The following NFIB variants were observed in gnomAD, a reference collection of about 807,000 sequenced individuals.
The protein encoded by NFIB is nuclear factor 1 B-type.
Under a neutral mutation model 61.5 loss-of-function variants are expected in NFIB, and 11 were observed. That is an observed-to-expected ratio of 0.18 (90% confidence interval 0.11 to 0.30). The LOEUF is 0.30. NFIB is among the 10% of genes least tolerant of loss of function. NFIB has a pLI of 1.00. For missense variants in NFIB, 471 were observed against 608.9 expected (o/e 0.77, Z 2.38); for synonymous variants, 260 against 216.5 (o/e 1.20, Z -1.76).
chr9:14,193,268 GT>G (rs1294900774), intron 2 of NFIB, among the ~76,000 whole-genome samples: 2 of 151,800 alleles, frequency 1.3e-5, no homozygotes, highest in African/African-American at 4.8e-5. Flanking sequence ...TTTTTAACAA[GT>G]TTTTTCTTGT....
chr9:14,252,739 G>A (rs370631061), intron 2 of NFIB, among the ~76,000 whole-genome samples: 6 of 152,096 alleles, frequency 3.9e-5, no homozygotes, highest in African/African-American at 9.7e-5. Flanking sequence ...GAGAACAGGC[G>A]TCTTAAGATC....
At chr9:14,323,025 A>G (rs2060700210) in intron 1 of NFIB, among the ~76,000 whole-genome samples, 1 of 152,150 alleles carries the variant, frequency 6.6e-6, no homozygotes, top group Non-Finnish European at 1.5e-5. Flanking sequence ...AAGAATAAGG[A>G]ATTGCTGTTA....
At chr9:14,453,681 T>C in the NFIB span, among the ~76,000 whole-genome samples, 3 of 152,216 alleles carry the variant, frequency 2.0e-5, no homozygotes, top group East Asian at 1.9e-4. Flanking sequence ...AAAAATTACA[T>C]GTTAGGGATA....
chr9:14,088,179 G>C lies in NFIB; in HGVS notation c.*130C>G. The C allele has an allele frequency of 6.8e-7, 1 of 1,466,226 alleles. No homozygotes were observed. The highest frequency in any genetic ancestry group is 9.1e-7 in the Non-Finnish European group (1 of 1,098,424). The allele number at this position is 1,466,226 out of a possible 1,614,324, so 90.8% of individuals were successfully genotyped here. A position where few individuals can be genotyped will look rare whatever the true frequency, so the allele number is the denominator to read the frequency against. On this transcript the variant is annotated 3_prime_UTR_variant, in exon 11 of 11. Coordinates refer to ENST00000380953, the MANE Select transcript of NFIB (RefSeq NM_001190737.2). Reference sequence around the variant, plus strand: ...TAAAAAAAAAATTTCTTAAACTATTGTTGTGTTTCTTTTTCCCTCAGTTGC... The same window carrying C: ...TAAAAAAAAAATTTCTTAAACTATTCTTGTGTTTCTTTTTCCCTCAGTTGC...
intron 3 of NFIB, among the ~76,000 whole-genome samples, chr9:14,168,769 G>A (rs575917024): frequency 2.0e-5 from 3 of 152,322 alleles, no homozygotes; most frequent in Admixed American, 6.5e-5. Flanking sequence ...TTTTTAAAGA[G>A]TTATTAAGAT....
upstream of NFIB, among the ~76,000 whole-genome samples, chr9:14,315,620 G>T (rs1269954362): frequency 6.8e-6 from 1 of 147,600 alleles, no homozygotes; most frequent in Non-Finnish European, 1.5e-5. Context: ...CGCCCGCGCC[G>T]GCTCCCCACC....
intron 1 of NFIB, among the ~76,000 whole-genome samples, chr9:14,394,451 A>G (rs1362276668): frequency 6.6e-6 from 1 of 152,196 alleles, no homozygotes; most frequent in Non-Finnish European, 1.5e-5. Flanking sequence ...GTGGAAGGCA[A>G]AAGAGAAGCA....
At chr9:14,381,707 G>A (rs1395689128) in intron 1 of NFIB, among the ~76,000 whole-genome samples, 3 of 152,144 alleles carry the variant, frequency 2.0e-5, no homozygotes, top group African/African-American at 4.8e-5. Context: ...TTGGGATTTG[G>A]GGCAATTAAG....
intron 2 of NFIB, among the ~76,000 whole-genome samples, chr9:14,258,763 A>G (rs2056466412): frequency 1.3e-5 from 2 of 152,218 alleles, no homozygotes; most frequent in Non-Finnish European, 2.9e-5. Context: ...GTTAGTAAGG[A>G]TGTCATTCCT....
intron 3 of NFIB, among the ~76,000 whole-genome samples, chr9:14,170,774 C>T (rs2045479522): frequency 6.6e-6 from 1 of 152,098 alleles, no homozygotes; most frequent in Admixed American, 6.5e-5. Flanking sequence ...GGATTCTGAC[C>T]CTCCCTTAAG....
chr9:14,170,352 G>A (rs1258617973), intron 3 of NFIB, among the ~76,000 whole-genome samples: 1 of 152,132 alleles, frequency 6.6e-6, no homozygotes, highest in East Asian at 1.9e-4. Context: ...ACCGTAGAAG[G>A]AACCTGAGGC....
the NFIB span, among the ~76,000 whole-genome samples, chr9:14,453,819 AC>A: frequency 6.6e-6 from 1 of 152,028 alleles, no homozygotes; most frequent in Non-Finnish European, 1.5e-5. Flanking sequence ...ACGGTGGCTC[AC>A]ACCTGTAATC....
rs140058952 is a variant in NFIB, at chr9:14,104,865, TATTA to T, written c.1467+8130_1467+8133del. On this transcript the variant is annotated intron_variant, in intron 10 of 10. Coordinates refer to ENST00000380953, the MANE Select transcript of NFIB (RefSeq NM_001190737.2). The stretch of plus-strand genomic sequence containing the variant: ...GAGATGTATATTTAGGCATAGTACA[TATTA>T]ATTATGTTAATTATTAACTTCAGAT... 6.6e-3 allele frequency among the ~76,000 whole-genome samples: 1,009 copies of T among 152,272 alleles called. 66 individuals are homozygous for T. In the East Asian group the frequency reaches 0.15, roughly 23 times the overall value.
chr9:14,246,851 G>A (rs2054989973), intron 2 of NFIB, among the ~76,000 whole-genome samples: 1 of 152,158 alleles, frequency 6.6e-6, no homozygotes, highest in African/African-American at 2.4e-5. Flanking sequence ...CAGTGTAACT[G>A]CATTTGGAGA....
the NFIB span, among the ~76,000 whole-genome samples, chr9:14,411,468 G>A: frequency 1.3e-5 from 2 of 152,148 alleles, no homozygotes; most frequent in Non-Finnish European, 2.9e-5. Flanking sequence ...TCCTGGCTTA[G>A]AAAATGATAG....
At chr9:14,515,094 A>T in the NFIB span, among the ~76,000 whole-genome samples, 2 of 152,138 alleles carry the variant, frequency 1.3e-5, no homozygotes, top group Admixed American at 1.3e-4. Context: ...CTGCAGCTAG[A>T]ATTGGGGGCT....
intron 1 of NFIB, among the ~76,000 whole-genome samples, chr9:14,310,525 CATA>C (rs2132728591): frequency 6.6e-6 from 1 of 152,176 alleles, no homozygotes; most frequent in South Asian, 2.1e-4. Context: ...GAATATGGAA[CATA>C]ATAACTGTCC....
chr9:14,346,891 C>G (rs1324277864), intron 1 of NFIB, among the ~76,000 whole-genome samples: 1 of 152,110 alleles, frequency 6.6e-6, no homozygotes, highest in Non-Finnish European at 1.5e-5. Context: ...AAACATCCCC[C>G]TAAACCCGCT....
chr9:14,197,193 G>A (rs917360666), intron 2 of NFIB, among the ~76,000 whole-genome samples: 11 of 152,204 alleles, frequency 7.2e-5, no homozygotes, highest in Admixed American at 7.2e-4. Context: ...AACTTGCAGA[G>A]TAATAGAAAA....
Sources: gnomAD v4.1 joint callset for allele counts (sites outside exome capture counted in the v4.1 genomes callset) on GRCh38, gnomAD v4.1.1 for gene constraint, MANE v1.5 for transcripts, NCBI Gene and HGNC (gene_info 2026-07-23, HGNC 2026-07-21) for gene names.